PIWIL1: variants seen among roughly 807,000 people sequenced by gnomAD.
The protein encoded by PIWIL1 is piwi like RNA-mediated gene silencing 1.
Under a neutral mutation model 114.4 loss-of-function variants are expected in PIWIL1, and 73 were observed. The ratio of observed to expected loss-of-function variants is 0.64; its 90% CI spans 0.53 to 0.78. The LOEUF (loss-of-function observed/expected upper bound fraction) is 0.78, where lower values mean the gene tolerates loss of function less well. PIWIL1 is among the 30% of genes least tolerant of loss of function. PIWIL1 has a pLI of 0.00. For missense variants in PIWIL1, 723 were observed against 1,063.1 expected (o/e 0.68, Z 4.45); for synonymous variants, 375 against 369.0 (o/e 1.02, Z -0.19).
intron 7 of PIWIL1, among the ~76,000 whole-genome samples, chr12:130,348,810 G>A (rs1593093208): frequency 6.6e-6 from 1 of 152,160 alleles, no homozygotes; most frequent in Non-Finnish European, 1.5e-5. Flanking sequence ...CTGAGGCAGA[G>A]AAGTGCTTGA....
rs540852990 is a variant in PIWIL1, at chr12:130,361,621, T to C, written c.1970+20T>C. On this transcript the variant is annotated intron_variant, in intron 16 of 20. Coordinates refer to ENST00000245255, the MANE Select transcript of PIWIL1 (RefSeq NM_004764.5). ...GACCCGGTGAGTGAGACTGGGCTAC[T>C]GTGGGTGGCAGTGAGGACATAAAGC... 6.3e-7 allele frequency: 1 copy of C among 1,591,478 alleles called. No homozygotes were observed. The highest frequency in any genetic ancestry group is 8.6e-7 in the Non-Finnish European group (1 of 1,159,422).
chr12:130,340,051 G>T (rs1245173886), intron 1 of PIWIL1, among the ~76,000 whole-genome samples: 1 of 152,158 alleles, frequency 6.6e-6, no homozygotes, highest in African/African-American at 2.4e-5. Flanking sequence ...GTGCAGAGAT[G>T]TGGGGAGGGA....
chr12:130,410,264 G>T, the PIWIL1 span, among the ~76,000 whole-genome samples: 48,327 of 152,106 alleles, frequency 0.32, 7,998 homozygotes, highest in East Asian at 0.51. Flanking sequence ...AAAGGTCTTT[G>T]TGTATTCTGA....
chr12:130,349,254 T>C lies in PIWIL1; in HGVS notation c.750T>C (p.Pro250=). 6.2e-7 allele frequency: 1 copy of C among 1,612,716 alleles called. No homozygotes were observed. The highest frequency in any genetic ancestry group is 8.5e-7 in the Non-Finnish European group (1 of 1,178,738). Residue 250 remains proline, a synonymous_variant, in exon 8 of 21, where the codon CCT becomes CCC. Transcript: ENST00000245255. ...DIPSHRLVIW[P]GFTTSILQYE... is the part of the protein sequence containing the mutation. The stretch of plus-strand genomic sequence containing the variant: ...CGTCTGACAGGTTGGTGATTTGGCC[T>C]GGCTTCACTACTTCCATCCTTCAGT...
At position 130,355,708 on chromosome 12, in the gene PIWIL1, C is replaced by T. The variant is rs370889756; in HGVS notation, c.1404+41C>T. The T allele has an allele frequency of 3.3e-5, 45 of 1,353,964 alleles. No homozygotes were observed. The African/African-American group carries it at 4.7e-4, about 14-fold the overall frequency. 83.9% of individuals were successfully genotyped at this position (1,353,964 alleles called of 1,614,324 possible). A position where few individuals can be genotyped will look rare whatever the true frequency, so the allele number is the denominator to read the frequency against. ...GTTGGTGTTGTTGTTGTTTTTGAGA[C>T]GGAGTCTCGCTCTGTCCCCCAGGCA... On this transcript the variant is annotated intron_variant, in intron 12 of 20. Coordinates refer to ENST00000245255, the MANE Select transcript of PIWIL1 (RefSeq NM_004764.5).
intron 1 of PIWIL1, among the ~76,000 whole-genome samples, chr12:130,340,659 G>C (rs2072892662): frequency 8.5e-6 from 1 of 118,196 alleles, no homozygotes; most frequent in Admixed American, 8.5e-5. Flanking sequence ...GGGGAGGGGG[G>C]TTGGTGGTGG....
At chr12:130,386,059 G>A in the PIWIL1 span, among the ~76,000 whole-genome samples, 5 of 152,112 alleles carry the variant, frequency 3.3e-5, no homozygotes, top group African/African-American at 1.2e-4. Flanking sequence ...CTAACCCACC[G>A]CCATCAGTAC....
chr12:130,362,729 T>C (rs1341677788), intron 16 of PIWIL1, 37 bp from the exon 17 acceptor site: 1 of 1,565,710 alleles, frequency 6.4e-7, no homozygotes. Flanking sequence ...TGATAGACAA[T>C]TGCATTCTTA....
chr12:130,391,535 C>G, the PIWIL1 span, among the ~76,000 whole-genome samples: 1 of 152,144 alleles, frequency 6.6e-6, no homozygotes, highest in African/African-American at 2.4e-5. Flanking sequence ...TAAGAAGGGA[C>G]TAGAAAAAAG....
chr12:130,365,401 T>A (rs895925311), intron 18 of PIWIL1, among the ~76,000 whole-genome samples: 7 of 152,218 alleles, frequency 4.6e-5, no homozygotes, highest in African/African-American at 1.7e-4. Context: ...ATCCAGTAAG[T>A]ATTCAATACA....
chr12:130,354,487 G>T, intron 9 of PIWIL1, 50 bp from the exon 10 acceptor site: 1 of 1,610,438 alleles, frequency 6.2e-7, no homozygotes, highest in Admixed American at 1.7e-5. Context: ...CCACTGAGAT[G>T]CTACTCGAGG....
chr12:130,355,046 G>A lies in PIWIL1; in HGVS notation c.1289+41G>A, dbSNP rs775729829. ...CACTGGGGCAGGGTTTCAGTTTTGT[G>A]TTTAGTATTTTATGTGGCTTTGAGG... On this transcript the variant is annotated intron_variant, in intron 11 of 20. Coordinates refer to ENST00000245255, the MANE Select transcript of PIWIL1 (RefSeq NM_004764.5). 2.5e-5 allele frequency: 32 copies of A among 1,270,578 alleles called. No individual in the cohort carries two copies. In the Admixed American group the frequency reaches 3.7e-4, roughly 15 times the overall value. The allele number at this position is 1,270,578 out of a possible 1,614,324, so 78.7% of individuals were successfully genotyped here. A position where few individuals can be genotyped will look rare whatever the true frequency, so the allele number is the denominator to read the frequency against.
intron 1 of PIWIL1, chr12:130,342,178 G>GTC (rs200004294): frequency 0.16 from 28,717 of 182,512 alleles, 2,586 homozygotes; most frequent in African/African-American, 0.18. Context: ...GTGTGTGTGT[G>GTC]TGTGTGTGTG....
rs186251720 is a variant in PIWIL1 at position 130,347,331 on chromosome 12, C to G, written c.653+269C>G. On this transcript the variant is annotated intron_variant, in intron 6 of 20. Transcript: ENST00000245255. ...ACACTCATATCCTCGAGAGCTATTG[C>G]GAACTTGGTATTCCTTCTCCCCACG... Among the ~76,000 whole-genome samples, 3 of 152,322 alleles carry G rather than the reference C, an allele frequency of 2.0e-5. No individual in the cohort carries two copies. The South Asian group carries it at 6.2e-4, about 32-fold the overall frequency.
chr12:130,344,165 T>G (rs541590539), intron 3 of PIWIL1, among the ~76,000 whole-genome samples: 18 of 152,364 alleles, frequency 1.2e-4, no homozygotes, highest in African/African-American at 3.8e-4. Flanking sequence ...CAATTGGATT[T>G]TTGCGTCCAG....
chr12:130,355,452 C>A, intron 11 of PIWIL1, 101 bp from the exon 12 acceptor site: 1 of 885,314 alleles, frequency 1.1e-6, no homozygotes, highest in Non-Finnish European at 1.9e-6. Flanking sequence ...ACCCTGACGG[C>A]GACATTGGAG....
At chr12:130,352,072 C>G (rs2073227873) in intron 9 of PIWIL1, among the ~76,000 whole-genome samples, 1 of 152,176 alleles carries the variant, frequency 6.6e-6, no homozygotes, top group African/African-American at 2.4e-5. Context: ...GATCTCAGCT[C>G]AGCTTCTTTC....
the PIWIL1 span, among the ~76,000 whole-genome samples, chr12:130,381,315 C>T: frequency 6.6e-6 from 1 of 152,206 alleles, no homozygotes; most frequent in East Asian, 1.9e-4. Flanking sequence ...CCTCCCTGTG[C>T]TGTGCCTGTT....
the PIWIL1 span, among the ~76,000 whole-genome samples, chr12:130,392,199 G>GTCC: frequency 1.1e-5 from 1 of 92,220 alleles, no homozygotes; most frequent in Non-Finnish European, 2.5e-5. Flanking sequence ...GTCATCACGT[G>GTCC]GATGCATCAG....
Sources: allele counts gnomAD v4.1 joint callset (sites outside exome capture counted in the v4.1 genomes callset), GRCh38; gene constraint gnomAD v4.1.1; transcripts MANE v1.5; gene names NCBI Gene and HGNC (gene_info 2026-07-23, HGNC 2026-07-21).